The following DENND4B variants were observed in gnomAD, a reference collection of about 807,000 sequenced individuals.
DENND4B encodes the protein DENN domain containing 4B.
Under a neutral mutation model 161.0 loss-of-function variants are expected in DENND4B, and 67 were observed. The ratio of observed to expected loss-of-function variants is 0.42; its 90% CI spans 0.34 to 0.51. The LOEUF is 0.51. DENND4B is among the 20% of genes least tolerant of loss of function. The pLI, the probability that DENND4B is intolerant of heterozygous loss-of-function variation, is 0.08. For missense variants in DENND4B, 1,481 were observed against 1,968.0 expected (o/e 0.75, Z 4.68); for synonymous variants, 753 against 813.8 (o/e 0.93, Z 1.27).
chr1:153,941,472 T>C (rs1679667290), intron 6 of DENND4B, 32 bp from the exon 7 acceptor site: 1 of 1,591,806 alleles, frequency 6.3e-7, no homozygotes, highest in African/African-American at 1.3e-5. Context: ...CAGAGCATAC[T>C]CCCCCGTCCA....
Position 153,934,129 on chromosome 1 carries a change from ACT to A in DENND4B, c.2941+4_2941+5del. ...GGGAGTGAGGGAGCCAGACAAGGGC[ACT>A]CACTGTGGGCCACACCGGCCTCCAC... On this transcript the variant is annotated splice_donor_5th_base_variant and intron_variant, in intron 19 of 27. Transcript: ENST00000361217. The surrounding 1 kb of genome is among the most constrained non-coding windows in gnomAD (Gnocchi z 5.3). 6.4e-7 allele frequency: 1 copy of A among 1,553,276 alleles called. No individual in the cohort carries two copies. The highest frequency in any genetic ancestry group is 8.6e-7 in the Non-Finnish European group (1 of 1,157,952).
At position 153,937,704 on chromosome 1, in the gene DENND4B, G is replaced by A; in HGVS notation, c.2105+20C>T. ...CAGTCTATGGGACCCTGGAACATGT[G>A]AAGGCTAAGAGACTCTCACCAGTAC... is the stretch of plus-strand genomic sequence containing the variant. On this transcript the variant is annotated intron_variant, in intron 14 of 27. Coordinates refer to ENST00000361217, the MANE Select transcript of DENND4B (RefSeq NM_014856.3). The surrounding 1 kb of genome is among the most constrained non-coding windows in gnomAD (Gnocchi z 4.7). 6.2e-7 allele frequency: 1 copy of A among 1,614,036 alleles called. No homozygotes were observed. Among genetic ancestry groups the A allele is most frequent in the South Asian group, 1.1e-5 (1 of 91,080 alleles).
At chr1:153,939,273 C>T (rs895903583) in intron 12 of DENND4B, among the ~76,000 whole-genome samples, 2 of 137,194 alleles carry the variant, frequency 1.5e-5, no homozygotes, top group Admixed American at 8.0e-5. Context: ...CTGCCTCAGA[C>T]TGGGGGGGGT....
rs777116510 is a variant in DENND4B at position 153,937,553 on chromosome 1, C to A, written c.2167G>T (p.Ala723Ser). The A allele has an allele frequency of 6.2e-7, 1 of 1,611,894 alleles. No homozygotes were observed. Among genetic ancestry groups the A allele is most frequent in the South Asian group, 1.1e-5 (1 of 90,878 alleles). The change falls in exon 15 of 28, where the codon GCC (alanine) becomes TCC (serine). Residue 723 changes from alanine to serine, a missense_variant. Physicochemically the swap from Ala to Ser is moderately conservative, Grantham distance 99. Coordinates refer to ENST00000361217, the MANE Select transcript of DENND4B (RefSeq NM_014856.3). This position sits in a 1 kb window ranked among gnomAD's most constrained non-coding sequence, Gnocchi z 4.7. ...LFESLQEQPG[A>S]LPVPGPSRSA... is the part of the protein sequence containing the mutation. ...CGGGAAGGGCCTGGCACAGGCAGGG[C>A]CCCAGGTTGCTCTTGAAGAGACTCA...
In DENND4B at chr1:153,933,048, C is replaced by T. The variant is rs201848699; in HGVS notation, c.3454-18G>A. 47 of 1,611,740 alleles carry T rather than the reference C, an allele frequency of 2.9e-5. No homozygotes were observed. Among genetic ancestry groups the T allele is most frequent in the Non-Finnish European group, 3.7e-5 (44 of 1,178,392 alleles). ...AGCAGAATCTGTGGGCAGGGAGAGTCGGGAAGTAGGTGCTGTCTGGCCGCC... is the reference window on the plus strand; with the variant it reads ...AGCAGAATCTGTGGGCAGGGAGAGTTGGGAAGTAGGTGCTGTCTGGCCGCC... On this transcript the variant is annotated intron_variant, in intron 21 of 27. Transcript: ENST00000361217. This position sits in a 1 kb window ranked among gnomAD's most constrained non-coding sequence, Gnocchi z 5.7.
chr1:153,932,678 A>T lies in DENND4B; in HGVS notation c.3723T>A (p.Ala1241=), dbSNP rs1317322791. 6.2e-7 allele frequency: 1 copy of T among 1,614,024 alleles called. No individual in the cohort carries two copies. Among genetic ancestry groups the T allele is most frequent in the South Asian group, 1.1e-5 (1 of 91,088 alleles). ...PVLSDRRLCL[A]LDEPQLCNGH... ...CGTTGCAGAGCTGGGGCTCATCCAG[A>T]GCAAGGCAGAGCCTTCGGTCACTGA... Residue 1241 remains alanine, a synonymous_variant, in exon 23 of 28, where the codon GCT becomes GCA. Transcript: ENST00000361217. The surrounding 1 kb of genome is among the most constrained non-coding windows in gnomAD (Gnocchi z 5.8).
At position 153,936,079 on chromosome 1, in the gene DENND4B, G is replaced by A; in HGVS notation, c.2549C>T (p.Thr850Ile). Residue 850 changes from threonine (T) to isoleucine (I), a missense_variant, in exon 17 of 28, where the codon ACC becomes ATC. Physicochemically the swap from Thr to Ile is moderately conservative, Grantham distance 89 (BLOSUM62 -1). Around this residue, in one of 3 missense-constraint regions of DENND4B, gnomAD observed 806 missense variants for 1,134.4 expected, o/e 0.71. Transcript: ENST00000361217. The surrounding 1 kb of genome is among the most constrained non-coding windows in gnomAD (Gnocchi z 4.1). Reference protein sequence around the residue: ...RQAGIVPNTITYGYYNKAVLE... With the variant: ...RQAGIVPNTIIYGYYNKAVLE... ...AGGTACCTTATTGTAGTAGCCATAG[G>A]TGATGGTGTTGGGCACAATGCCTGC... 1 of 1,613,190 alleles carries A rather than the reference G, an allele frequency of 6.2e-7. No individual in the cohort carries two copies. The highest frequency in any genetic ancestry group is 8.5e-7 in the Non-Finnish European group (1 of 1,179,628).
At position 153,929,539 on chromosome 1, in the gene DENND4B, A is replaced by G. The variant is rs1678784270; in HGVS notation, c.*758T>C. On this transcript the variant is annotated 3_prime_UTR_variant, in exon 28 of 28. Coordinates refer to ENST00000361217, the MANE Select transcript of DENND4B (RefSeq NM_014856.3). ...GCAGCTTTTACTATATTTACATCCA[A>G]CAAAACTTCGCAGGGAACAATCCTT... 6.6e-6 allele frequency: 1 copy of G among 152,376 alleles called. No homozygotes were observed. The highest frequency in any genetic ancestry group is 1.5e-5 in the Non-Finnish European group (1 of 68,052). The allele number at this position is 152,376 out of a possible 1,614,324, so 9.4% of individuals were successfully genotyped here.
rs747619229 is a variant in DENND4B at position 153,941,998 on chromosome 1, C to T, written c.926G>A (p.Gly309Asp). ...GGCACGCCGGCTGCGCACAGCTCTG[C>T]CCCCCAGTGCCCGACCCCGCTCCAC... Reference protein sequence around the residue: ...SAVERGRALGGRAVRSRRAIA... With the variant: ...SAVERGRALGDRAVRSRRAIA... The change falls in exon 6 of 28, where the codon GGC (glycine) becomes GAC (aspartate). Residue 309 changes from glycine (G) to aspartate (D), a missense_variant. Physicochemically the swap from Gly to Asp is moderately conservative, Grantham distance 94 (BLOSUM62 -1). Around this residue, in one of 3 missense-constraint regions of DENND4B, gnomAD observed 806 missense variants for 1,134.4 expected, o/e 0.71. Transcript: ENST00000361217. 19 of 1,611,602 alleles carry T rather than the reference C, an allele frequency of 1.2e-5. No homozygotes were observed. In the East Asian group the frequency reaches 3.1e-4, roughly 26 times the overall value.
At position 153,930,132 on chromosome 1, in the gene DENND4B, G is replaced by T; in HGVS notation, c.*165C>A. ...TGGTGATGGGGGAATCAGGACTTTT[G>T]GTAACAGTGGATCCCTCTTCCTGTT... On this transcript the variant is annotated 3_prime_UTR_variant, in exon 28 of 28. Transcript: ENST00000361217. The surrounding 1 kb of genome is among the most constrained non-coding windows in gnomAD (Gnocchi z 4.7). The T allele has an allele frequency of 3.1e-6, 3 of 956,486 alleles. No individual in the cohort carries two copies. Among genetic ancestry groups the T allele is most frequent in the Non-Finnish European group, 4.5e-6 (3 of 662,810 alleles). 59.2% of individuals were successfully genotyped at this position (956,486 alleles called of 1,614,324 possible).
In DENND4B at chr1:153,933,816, A is replaced by G; in HGVS notation, c.2997T>C (p.Asp999=). The G allele has an allele frequency of 6.2e-7, 1 of 1,613,192 alleles. No homozygotes were observed. The highest frequency in any genetic ancestry group is 8.5e-7 in the Non-Finnish European group (1 of 1,179,744). Residue 999 remains aspartate, a synonymous_variant, in exon 20 of 28, where the codon GAT becomes GAC. Transcript: ENST00000361217. This position sits in a 1 kb window ranked among gnomAD's most constrained non-coding sequence, Gnocchi z 5.7. ...EPRGSPVPWH[D]GSLSDLSLTG... is the part of the protein sequence containing the mutation. ...TCAGGCTCAGGTCTGAGAGACTTCC[A>G]TCGTGCCAGGGCACAGGTGATCCCC...
Position 153,946,656 on chromosome 1 carries a change from C to T in DENND4B, c.-379G>A, listed in dbSNP as rs924737613. ...CTCCCCCAACCCCCGCTCCGGGCCGCGGGCGCCGCCGCTACCCCCACCCCT... is the reference window on the plus strand; with the variant it reads ...CTCCCCCAACCCCCGCTCCGGGCCGTGGGCGCCGCCGCTACCCCCACCCCT... On this transcript the variant is annotated 5_prime_UTR_variant, in exon 1 of 28. Coordinates refer to ENST00000361217, the MANE Select transcript of DENND4B (RefSeq NM_014856.3). The surrounding 1 kb of genome is among the most constrained non-coding windows in gnomAD (Gnocchi z 6.3). 3.9e-5 allele frequency: 15 copies of T among 381,566 alleles called. No individual in the cohort carries two copies. Among genetic ancestry groups the T allele is most frequent in the Non-Finnish European group, 6.5e-5 (14 of 215,344 alleles). 23.6% of individuals were successfully genotyped at this position (381,566 alleles called of 1,614,324 possible).
At chr1:153,941,790 A>G in intron 6 of DENND4B, 79 bp downstream of exon 6, 1 of 457,662 alleles carries the variant, frequency 2.2e-6, no homozygotes, top group Non-Finnish European at 3.4e-6. Context: ...CCCCCCACCC[A>G]CATCTGAATC....
chr1:153,942,425 C>G lies in DENND4B; in HGVS notation c.641-69G>C. 1 of 1,580,440 alleles carries G rather than the reference C, an allele frequency of 6.3e-7. No individual in the cohort carries two copies. The highest frequency in any genetic ancestry group is 8.6e-7 in the Non-Finnish European group (1 of 1,162,978). On this transcript the variant is annotated intron_variant, in intron 4 of 27. Transcript: ENST00000361217. The surrounding 1 kb of genome is among the most constrained non-coding windows in gnomAD (Gnocchi z 6.9). ...CCATCAGACTCCAAGGGAAATGAAC[C>G]AAGGGATCCCAGAGAAGGCCCGAGT...
intron 13 of DENND4B, among the ~76,000 whole-genome samples, chr1:153,938,618 C>T (rs1679488118): frequency 1.3e-5 from 2 of 151,062 alleles, no homozygotes. Flanking sequence ...AGGAGAATGG[C>T]GTGAACCCGG....
In DENND4B at chr1:153,940,583, C is replaced by T. The variant is rs375209157; in HGVS notation, c.1350G>A (p.Gln450=). The part of the protein sequence containing the change: ...LVSMIFPLHW[Q]CPYIPLCPLV... ...GCGGGCACAGAGGAATGTAGGGGCACTGCCAGTGCAGTGGGAAGATCATCT... is the reference window on the plus strand; with the variant it reads ...GCGGGCACAGAGGAATGTAGGGGCATTGCCAGTGCAGTGGGAAGATCATCT... The change falls in exon 10 of 28, where the codon CAG becomes CAA. Residue 450 remains glutamine, a synonymous_variant. Coordinates refer to ENST00000361217, the MANE Select transcript of DENND4B (RefSeq NM_014856.3). This position sits in a 1 kb window ranked among gnomAD's most constrained non-coding sequence, Gnocchi z 5.6. 8.7e-5 allele frequency: 141 copies of T among 1,613,012 alleles called. No individual in the cohort carries two copies. Among genetic ancestry groups the T allele is most frequent in the Non-Finnish European group, 1.2e-4 (136 of 1,179,592 alleles).
In DENND4B at chr1:153,933,462, G is replaced by A. The variant is rs369300815; in HGVS notation, c.3330+21C>T. On this transcript the variant is annotated intron_variant, in intron 20 of 27. Coordinates refer to ENST00000361217, the MANE Select transcript of DENND4B (RefSeq NM_014856.3). This position sits in a 1 kb window ranked among gnomAD's most constrained non-coding sequence, Gnocchi z 5.7. The stretch of plus-strand genomic sequence containing the variant: ...CAAGCCCACTAATGCTAAGGCATCT[G>A]GACCCTCCTTCACTGGCTACCTCGG... 5 of 1,575,248 alleles carry A rather than the reference G, an allele frequency of 3.2e-6. No individual in the cohort carries two copies. Among genetic ancestry groups the A allele is most frequent in the Non-Finnish European group, 3.4e-6 (4 of 1,160,648 alleles).
chr1:153,936,477 A>G lies in DENND4B; in HGVS notation c.2439+65T>C. The G allele has an allele frequency of 1.4e-6, 2 of 1,463,140 alleles. No homozygotes were observed. The highest frequency in any genetic ancestry group is 1.4e-5 in the South Asian group (1 of 71,790). The allele number at this position is 1,463,140 out of a possible 1,614,324, so 90.6% of individuals were successfully genotyped here. A position where few individuals can be genotyped will look rare whatever the true frequency, so the allele number is the denominator to read the frequency against. On this transcript the variant is annotated intron_variant, in intron 16 of 27. Transcript: ENST00000361217. This position sits in a 1 kb window ranked among gnomAD's most constrained non-coding sequence, Gnocchi z 4.1. ...AGTCTCCACCAAGTTTCCCTCTCAC[A>G]GCCCTCTCCAGCTGCACAAGGCTCA...
Position 153,930,891 on chromosome 1 carries a change from T to C in DENND4B, c.4115-34A>G, listed in dbSNP as rs1463432524. 1.3e-6 allele frequency: 2 copies of C among 1,595,722 alleles called. No individual in the cohort carries two copies. The highest frequency in any genetic ancestry group is 1.8e-5 in the Admixed American group (1 of 56,634). On this transcript the variant is annotated intron_variant, in intron 25 of 27. Transcript: ENST00000361217. This position sits in a 1 kb window ranked among gnomAD's most constrained non-coding sequence, Gnocchi z 4.7. The stretch of plus-strand genomic sequence containing the variant: ...AAGGAAAGAAGGCCACCAGAATCAC[T>C]GAGCCCTCTGGGTATGGGACCCACC...
Sources: gnomAD v4.1 joint callset for allele counts (sites outside exome capture counted in the v4.1 genomes callset) on GRCh38, gnomAD v4.1.1 for gene constraint, gnomAD v4.1.1 regional missense constraint, Gnocchi (gnomAD v3.1) non-coding constraint, MANE v1.5 for transcripts, NCBI Gene and HGNC (gene_info 2026-07-23, HGNC 2026-07-21) for gene names.